The following CFLAR variants were observed in gnomAD, a reference collection of about 807,000 sequenced individuals.
The protein encoded by CFLAR is CASP8 and FADD-like apoptosis regulator.
In CFLAR, 14 loss-of-function variants were observed where a neutral mutation model predicts 51.1. The ratio of observed to expected loss-of-function variants is 0.27; its 90% CI spans 0.18 to 0.43. The LOEUF is 0.43. CFLAR is among the 20% of genes least tolerant of loss of function. The probability of loss-of-function intolerance (pLI) is 1.00; values close to 1 mark genes in which losing one functional copy is unlikely to be tolerated. For missense variants in CFLAR, 390 were observed against 566.5 expected, an observed-to-expected ratio of 0.69 and a Z score of 3.16; for synonymous variants, 210 against 211.6, an observed-to-expected ratio of 0.99 and a Z score of 0.06.
rs1047374975 is a variant in CFLAR, at chr2:201,165,167, AG to A, written c.*1195del. 3.9e-5 allele frequency: 6 copies of A among 152,038 alleles called. No individual in the cohort carries two copies. Among genetic ancestry groups the A allele is most frequent in the African/African-American group, 1.4e-4 (6 of 41,384 alleles). The allele number at this position is 152,038 out of a possible 1,614,324, so 9.4% of individuals were successfully genotyped here. ...AGACCTCAAATTGCATTTTACAGCT[AG>A]TCAAGTATATCTTTCTCTGATTTGA... On this transcript the variant is annotated 3_prime_UTR_variant, in exon 10 of 10. Coordinates refer to ENST00000309955, the MANE Select transcript of CFLAR (RefSeq NM_003879.7).
Position 201,138,689 on chromosome 2 carries a change from G to C in CFLAR, c.524-1668G>C. On this transcript the variant is annotated intron_variant, in intron 4 of 9. Coordinates refer to ENST00000309955, the MANE Select transcript of CFLAR (RefSeq NM_003879.7). This position sits in a 1 kb window ranked among gnomAD's most constrained non-coding sequence, Gnocchi z 4.0. ...CCAACACATCACCCACAGTGTGCAA[G>C]GGGCTCAGCACCACGGGGTGTGTGA... The C allele has an allele frequency of 3.4e-6, 3 of 882,428 alleles. No individual in the cohort carries two copies. Among genetic ancestry groups the C allele is most frequent in the South Asian group, 2.6e-5 (2 of 76,432 alleles). 54.7% of individuals were successfully genotyped at this position (882,428 alleles called of 1,614,324 possible).
At chr2:201,121,578 A>G (rs1328739832) in intron 1 of CFLAR, among the ~76,000 whole-genome samples, 1 of 152,196 alleles carries the variant, frequency 6.6e-6, no homozygotes, top group Non-Finnish European at 1.5e-5. Context: ...AAAAGCAGGT[A>G]GTGCTTTTTA....
intron 3 of CFLAR, among the ~76,000 whole-genome samples, chr2:201,133,713 G>A (rs528018598): frequency 1.2e-4 from 18 of 151,854 alleles, no homozygotes; most frequent in African/African-American, 3.9e-4. Context: ...GGTGGATCAC[G>A]AGGTCAGGAG....
intron 6 of CFLAR, chr2:201,147,949 C>T (rs1395643615): frequency 1.3e-5 from 2 of 152,130 alleles, no homozygotes; most frequent in Admixed American, 6.5e-5. Context: ...GTTCAGCCAT[C>T]ATTGAATTTG....
chr2:201,152,493 C>T (rs527761457), intron 8 of CFLAR, among the ~76,000 whole-genome samples: 5 of 152,180 alleles, frequency 3.3e-5, no homozygotes, highest in African/African-American at 9.6e-5. Flanking sequence ...GTACTAGATG[C>T]CAACTAGCAT....
intron 5 of CFLAR, chr2:201,141,266 A>G: frequency 5.8e-5 from 71 of 1,220,386 alleles, no homozygotes; most frequent in Non-Finnish European, 7.2e-5. Context: ...TATAATACTG[A>G]CCTCCAATTA....
chr2:201,172,707 C>T lies in CFLAR; in HGVS notation c.*8734C>T, dbSNP rs1576037974. The T allele has an allele frequency of 6.6e-6, 1 of 152,310 alleles. No homozygotes were observed. The highest frequency in any genetic ancestry group is 1.9e-4 in the East Asian group (1 of 5,184). The allele number at this position is 152,310 out of a possible 1,614,324, so 9.4% of individuals were successfully genotyped here. ...TCACTTAGCATGTTTCAAGGTTCAT[C>T]TATGCTATAGAGTGTACCAGTGCTT... On this transcript the variant is annotated 3_prime_UTR_variant, in exon 10 of 10. Transcript: ENST00000309955.
At position 201,129,834 on chromosome 2, in the gene CFLAR, A is replaced by G; in HGVS notation, c.-32A>G. On this transcript the variant is annotated 5_prime_UTR_variant, in exon 2 of 10. Transcript: ENST00000309955. ...GACTGGCCCGGAGCTGTACTGCAAGACCCTTGTGAGCTTCCCTAGTCTAAG... is the reference window on the plus strand; with the variant it reads ...GACTGGCCCGGAGCTGTACTGCAAGGCCCTTGTGAGCTTCCCTAGTCTAAG... 6.2e-7 allele frequency: 1 copy of G among 1,607,320 alleles called. No homozygotes were observed. Among genetic ancestry groups the G allele is most frequent in the Non-Finnish European group, 8.5e-7 (1 of 1,175,754 alleles).
intron 4 of CFLAR, chr2:201,139,579 G>A (rs970327084): frequency 2.6e-5 from 4 of 153,686 alleles, no homozygotes; most frequent in Admixed American, 1.9e-4. Flanking sequence ...GGGGAAAACC[G>A]CCTTAGGGCT....
chr2:201,155,282 A>G (rs895513888), intron 8 of CFLAR, among the ~76,000 whole-genome samples: 1 of 148,108 alleles, frequency 6.8e-6, no homozygotes, highest in African/African-American at 2.5e-5. Context: ...TTTTTTTTTG[A>G]GACAGAGTCT....
At chr2:201,133,747 G>A (rs529332614) in intron 3 of CFLAR, among the ~76,000 whole-genome samples, 101 of 151,914 alleles carry the variant, frequency 6.6e-4, no homozygotes, top group African/African-American at 2.2e-3. Flanking sequence ...TGGCTAACAC[G>A]GTGAAACCCT....
At chr2:201,117,120 G>A (rs2047680834) in intron 1 of CFLAR, 1 of 152,204 alleles carries the variant, frequency 6.6e-6, no homozygotes, top group African/African-American at 2.4e-5. Context: ...CCGCCGCCCT[G>A]GAGGGAATTT....
intron 8 of CFLAR, among the ~76,000 whole-genome samples, chr2:201,155,758 G>A (rs897689127): frequency 1.3e-5 from 2 of 151,904 alleles, no homozygotes; most frequent in African/African-American, 4.8e-5. Flanking sequence ...CAAGTAGCTG[G>A]AACTACACAC....
intron 9 of CFLAR, chr2:201,163,012 A>G (rs1255571710): frequency 1.3e-6 from 1 of 754,616 alleles, no homozygotes; most frequent in Non-Finnish European, 2.4e-6. Flanking sequence ...AATTCCCGGA[A>G]GTGGAATTAC....
Position 201,129,882 on chromosome 2 carries a change from T to G in CFLAR, c.17T>G (p.Ile6Ser). ...AAGAGTAGGATGTCTGCTGAAGTCA[T>G]CCATCAGGTTGAAGAAGCACTTGAT... MSAEV[I>S]HQVEEALDTD... Residue 6 changes from isoleucine to serine, a missense_variant, in exon 2 of 10, where the codon ATC becomes AGC. This residue lies in a region of CFLAR where 103 missense variants were observed against 202.9 expected (regional missense o/e 0.51). Coordinates refer to ENST00000309955, the MANE Select transcript of CFLAR (RefSeq NM_003879.7). The G allele has an allele frequency of 1.2e-6, 2 of 1,614,144 alleles. No homozygotes were observed. The highest frequency in any genetic ancestry group is 1.7e-6 in the Non-Finnish European group (2 of 1,180,010).
chr2:201,152,678 G>A (rs1470618036), intron 8 of CFLAR: 1 of 152,228 alleles, frequency 6.6e-6, no homozygotes, highest in Non-Finnish European at 1.5e-5. Flanking sequence ...AGGCGCACTG[G>A]AATGGAGGCC....
intron 5 of CFLAR, 52 bp downstream of exon 5, chr2:201,140,491 C>A: frequency 7.2e-7 from 1 of 1,388,284 alleles, no homozygotes; most frequent in Non-Finnish European, 9.9e-7. Context: ...TTTCAGAGTT[C>A]TAATAAAAAT....
chr2:201,161,413 T>TA (rs1343318729), intron 9 of CFLAR, among the ~76,000 whole-genome samples: 57 of 80,532 alleles, frequency 7.1e-4, no homozygotes, highest in Non-Finnish European at 8.8e-4. Context: ...TTTATTTATT[T>TA]TTATTTATTT....
In CFLAR at chr2:201,166,109, G is replaced by C. The variant is rs567194663; in HGVS notation, c.*2136G>C. On this transcript the variant is annotated 3_prime_UTR_variant, in exon 10 of 10. Transcript: ENST00000309955. ...GAGCTGTTGGGTACACCTCCCAGAC[G>C]GGGTGGCGGCTGGGCAGAGGGGCTC... 5.8e-6 allele frequency: 1 copy of C among 173,266 alleles called. No homozygotes were observed. The highest frequency in any genetic ancestry group is 1.2e-5 in the Non-Finnish European group (1 of 83,320). The allele number at this position is 173,266 out of a possible 1,614,324, so 10.7% of individuals were successfully genotyped here. A position where few individuals can be genotyped will look rare whatever the true frequency, so the allele number is the denominator to read the frequency against.
Sources: gnomAD v4.1 joint callset for allele counts (sites outside exome capture counted in the v4.1 genomes callset) on GRCh38, gnomAD v4.1.1 for gene constraint, gnomAD v4.1.1 regional missense constraint, Gnocchi (gnomAD v3.1) non-coding constraint, MANE v1.5 for transcripts, NCBI Gene and HGNC (gene_info 2026-07-23, HGNC 2026-07-21) for gene names.